The following GADD45GIP1 variants were observed in gnomAD, a reference collection of about 807,000 sequenced individuals.
GADD45GIP1 encodes GADD45G interacting protein 1, also known as large ribosomal subunit protein mL64.
Under a neutral mutation model 22.1 loss-of-function variants are expected in GADD45GIP1, and 17 were observed. The ratio of observed to expected loss-of-function variants is 0.77; its 90% CI spans 0.53 to 1.15. The LOEUF is 1.15. Ranked by LOEUF, GADD45GIP1 falls within the 50% of genes most tolerant of loss-of-function variation. The pLI is 0.00. For missense variants in GADD45GIP1, 294 were observed against 314.0 expected (o/e 0.94, Z 0.48); for synonymous variants, 135 against 138.4 (o/e 0.98, Z 0.17).
Position 12,957,183 on chromosome 19 carries a change from G to C in GADD45GIP1, c.30C>G (p.Ser10Arg). Reference protein sequence around the residue: MAASVRQARSLLGVAATLAP... With the variant: MAASVRQARRLLGVAATLAP... ...CCAGGGTCGCCGCCACACCTAGTAG[G>C]CTGCGTGCCTGTCGCACGGACGCCG... The change falls in exon 1 of 2, where the codon AGC (serine) becomes AGG (arginine). Residue 10 changes from serine (S) to arginine (R), a missense_variant. Physicochemically the swap from Ser to Arg is moderately radical, Grantham distance 110 (BLOSUM62 -1). Coordinates refer to ENST00000316939, the MANE Select transcript of GADD45GIP1 (RefSeq NM_052850.4). 1 of 1,406,986 alleles carries C rather than the reference G, an allele frequency of 7.1e-7. No individual in the cohort carries two copies. Among genetic ancestry groups the C allele is most frequent in the Non-Finnish European group, 9.2e-7 (1 of 1,091,324 alleles). 87.2% of individuals were successfully genotyped at this position (1,406,986 alleles called of 1,614,324 possible).
intron 1 of GADD45GIP1, among the ~76,000 whole-genome samples, 197 bp downstream of exon 1, chr19:12,956,658 AAAACAAAC>A (rs369627142): frequency 4.6e-5 from 7 of 152,106 alleles, no homozygotes; most frequent in Non-Finnish European, 7.4e-5. Flanking sequence ...TTGTCTCCAA[AAAACAAAC>A]AAACAAACAA....
rs1029799962 is a variant in GADD45GIP1, at chr19:12,953,835, T to C, written c.*373A>G. 5.1e-6 allele frequency: 1 copy of C among 195,042 alleles called. No homozygotes were observed. Among genetic ancestry groups the C allele is most frequent in the African/African-American group, 2.4e-5 (1 of 42,510 alleles). 12.1% of individuals were successfully genotyped at this position (195,042 alleles called of 1,614,324 possible). ...CAGGCAGTGGACCCCAGCCCAACGT[T>C]ACAAGGACTGCTTCTCCCCGGCCCC... On this transcript the variant is annotated 3_prime_UTR_variant, in exon 2 of 2. Coordinates refer to ENST00000316939, the MANE Select transcript of GADD45GIP1 (RefSeq NM_052850.4).
chr19:12,957,087 G>T lies in GADD45GIP1; in HGVS notation c.126C>A (p.Pro42=). 1 of 1,526,966 alleles carries T rather than the reference G, an allele frequency of 6.5e-7. No individual in the cohort carries two copies. The highest frequency in any genetic ancestry group is 2.6e-5 in the East Asian group (1 of 39,110). The allele number at this position is 1,526,966 out of a possible 1,614,324, so 94.6% of individuals were successfully genotyped here. Reference sequence around the variant, plus strand: ...GCCACCGCGGGGTCAGGAGGTCCTCGGGGTCTGGCCACCGGGGTCCCGGCC... The same window carrying T: ...GCCACCGCGGGGTCAGGAGGTCCTCTGGGTCTGGCCACCGGGGTCCCGGCC... ...RRRPGPRWPD[P]EDLLTPRWQL... is the part of the protein sequence containing the mutation. The change falls in exon 1 of 2, where the codon CCC becomes CCA. Residue 42 remains proline (P), a synonymous_variant. Transcript: ENST00000316939.
In GADD45GIP1 at chr19:12,954,432, C is replaced by T; in HGVS notation, c.445G>A (p.Asp149Asn). The T allele has an allele frequency of 6.2e-7, 1 of 1,614,196 alleles. No homozygotes were observed. The highest frequency in any genetic ancestry group is 8.5e-7 in the Non-Finnish European group (1 of 1,180,022). The part of the protein sequence containing the change: ...QRENWEKAQA[D>N]KERRARLQAE... ...TGCAGTCGGGCCCTCCTCTCCTTGT[C>T]AGCCTGGGCCTTCTCCCAGTTCTCC... Residue 149 changes from aspartate to asparagine, a missense_variant, in exon 2 of 2, where the codon GAC becomes AAC. Transcript: ENST00000316939.
At chr19:12,956,119 C>T (rs765084613) in intron 1 of GADD45GIP1, among the ~76,000 whole-genome samples, 1 of 152,202 alleles carries the variant, frequency 6.6e-6, no homozygotes, top group South Asian at 2.1e-4. Flanking sequence ...AACATCACCT[C>T]CTCAGAGAGG....
At position 12,956,845 on chromosome 19, in the gene GADD45GIP1, C is replaced by CT; in HGVS notation, c.350+17dup. The CT allele has an allele frequency of 6.3e-7, 1 of 1,592,636 alleles. No individual in the cohort carries two copies. The highest frequency in any genetic ancestry group is 8.5e-7 in the Non-Finnish European group (1 of 1,176,026). ...CGGGGCACAGAGGGCAGCCCCGCGT[C>CT]TGCCTGCACGCACGCACCTCTCCCG... On this transcript the variant is annotated intron_variant, in intron 1 of 1. Transcript: ENST00000316939.
At position 12,953,119 on chromosome 19, in the gene GADD45GIP1, T is replaced by A. The variant is rs533190392; in HGVS notation, c.*1089A>T. 291 of 979,142 alleles carry A rather than the reference T, an allele frequency of 3.0e-4. 2 individuals are homozygous for A. The highest frequency in any genetic ancestry group is 7.9e-4 in the Middle Eastern group (3 of 3,806). The allele number at this position is 979,142 out of a possible 1,614,324, so 60.7% of individuals were successfully genotyped here. ...CATGAAAGTTTTATAAAAGAAAAAA[T>A]ATATATATATTCATGTTTATTTAAG... On this transcript the variant is annotated 3_prime_UTR_variant, in exon 2 of 2. Transcript: ENST00000316939.
Position 12,957,186 on chromosome 19 carries a change from G to C in GADD45GIP1, c.27C>G (p.Arg9=). 7.1e-7 allele frequency: 1 copy of C among 1,405,830 alleles called. No individual in the cohort carries two copies. Among genetic ancestry groups the C allele is most frequent in the Non-Finnish European group, 9.2e-7 (1 of 1,090,572 alleles). The allele number at this position is 1,405,830 out of a possible 1,614,324, so 87.1% of individuals were successfully genotyped here. The change falls in exon 1 of 2, where the codon CGC becomes CGG. Residue 9 remains arginine, a synonymous_variant. Transcript: ENST00000316939. ...GGGTCGCCGCCACACCTAGTAGGCTGCGTGCCTGTCGCACGGACGCCGCCA... is the reference window on the plus strand; with the variant it reads ...GGGTCGCCGCCACACCTAGTAGGCTCCGTGCCTGTCGCACGGACGCCGCCA... MAASVRQA[R]SLLGVAATLA...
At position 12,954,460 on chromosome 19, in the gene GADD45GIP1, C is replaced by T; in HGVS notation, c.417G>A (p.Gln139=). ...PQMIVNWQQQ[Q]RENWEKAQAD... is the part of the protein sequence containing the mutation. ...CCTGGGCCTTCTCCCAGTTCTCCCG[C>T]TGCTGCTGCTGCCAGTTCACAATCA... The change falls in exon 2 of 2, where the codon CAG becomes CAA. Residue 139 remains glutamine, a synonymous_variant. Transcript: ENST00000316939. 1.2e-6 allele frequency: 2 copies of T among 1,612,920 alleles called. No individual in the cohort carries two copies. Among genetic ancestry groups the T allele is most frequent in the Non-Finnish European group, 1.7e-6 (2 of 1,179,052 alleles).
intron 1 of GADD45GIP1, among the ~76,000 whole-genome samples, chr19:12,955,248 C>T (rs1189339783): frequency 2.6e-5 from 4 of 152,124 alleles, no homozygotes; most frequent in African/African-American, 4.8e-5. Context: ...CTCCAGCTCC[C>T]GTCGTGTCCC....
rs1159333238 is a variant in GADD45GIP1, at chr19:12,953,354, GA to G, written c.*853del. 3.2e-5 allele frequency: 7 copies of G among 216,800 alleles called. No homozygotes were observed. Among genetic ancestry groups the G allele is most frequent in the Non-Finnish European group, 2.7e-5 (3 of 112,138 alleles). 13.4% of individuals were successfully genotyped at this position (216,800 alleles called of 1,614,324 possible). ...TGTCCCAGCTCTCTGCAGCCAGACG[GA>G]AAGGCGGCTGCTTGCCTCTCCATCC... On this transcript the variant is annotated 3_prime_UTR_variant, in exon 2 of 2. Coordinates refer to ENST00000316939, the MANE Select transcript of GADD45GIP1 (RefSeq NM_052850.4).
At position 12,954,263 on chromosome 19, in the gene GADD45GIP1, G is replaced by A. The variant is rs1021713144; in HGVS notation, c.614C>T (p.Ala205Val). The A allele has an allele frequency of 1.2e-6, 2 of 1,613,798 alleles. No homozygotes were observed. Among genetic ancestry groups the A allele is most frequent in the African/African-American group, 2.7e-5 (2 of 74,692 alleles). Residue 205 changes from alanine (A) to valine (V), a missense_variant, in exon 2 of 2, where the codon GCA becomes GTA. Transcript: ENST00000316939. ...QKRKKEARAA[A>V]LAAAVAQDPA... ...GTCTTGAGCCACAGCTGCAGCCAATGCAGCAGCTCGCGCCTCCTTCTTCCG... is the reference window on the plus strand; with the variant it reads ...GTCTTGAGCCACAGCTGCAGCCAATACAGCAGCTCGCGCCTCCTTCTTCCG...
rs1234525948 is a variant in GADD45GIP1 at position 12,954,233 on chromosome 19, G to C, written c.644C>G (p.Ala215Gly). The C allele has an allele frequency of 6.2e-7, 1 of 1,613,908 alleles. No homozygotes were observed. Among genetic ancestry groups the C allele is most frequent in the Non-Finnish European group, 8.5e-7 (1 of 1,179,952 alleles). Residue 215 changes from alanine (A) to glycine (G), a missense_variant, in exon 2 of 2, where the codon GCA (alanine) becomes GGA (glycine). By Grantham distance (60) the Ala-to-Gly change is moderately conservative (BLOSUM62 0). Transcript: ENST00000316939. Reference protein sequence around the residue: ...ALAAAVAQDPAASGAPSS With the variant: ...ALAAAVAQDPGASGAPSS ...TCAGGAGCTGGGTGCCCCAGAGGCTGCTGGGTCTTGAGCCACAGCTGCAGC... is the reference window on the plus strand; with the variant it reads ...TCAGGAGCTGGGTGCCCCAGAGGCTCCTGGGTCTTGAGCCACAGCTGCAGC...
At chr19:12,956,784 G>T in intron 1 of GADD45GIP1, 79 bp downstream of exon 1, 1 of 1,319,534 alleles carries the variant, frequency 7.6e-7, no homozygotes, top group Non-Finnish European at 1.1e-6. Flanking sequence ...ACGTGACCCC[G>T]AAGGGGTAGG....
At chr19:12,954,615 C>T (rs920742936) in intron 1 of GADD45GIP1, 89 bp from the exon 2 acceptor site, 24 of 1,065,316 alleles carry the variant, frequency 2.3e-5, no homozygotes, top group East Asian at 1.2e-4. Flanking sequence ...CCTTTGCCCA[C>T]GAGCCTGCCT....
Position 12,954,397 on chromosome 19 carries a change from G to C in GADD45GIP1, c.480C>G (p.Ala160=), listed in dbSNP as rs1833779113. The change falls in exon 2 of 2, where the codon GCC becomes GCG. Residue 160 remains alanine, a synonymous_variant. Coordinates refer to ENST00000316939, the MANE Select transcript of GADD45GIP1 (RefSeq NM_052850.4). ...CCACCTGGTAGCCCAGGAGCTCCTG[G>C]GCCTCAGCCTGCAGTCGGGCCCTCC... is the stretch of plus-strand genomic sequence containing the variant. The part of the protein sequence containing the change: ...KERRARLQAE[A]QELLGYQVDP... 6.2e-7 allele frequency: 1 copy of C among 1,614,178 alleles called. No individual in the cohort carries two copies. The highest frequency in any genetic ancestry group is 1.1e-5 in the South Asian group (1 of 91,086).
chr19:12,956,010 C>A (rs964327131), intron 1 of GADD45GIP1, among the ~76,000 whole-genome samples: 1 of 152,184 alleles, frequency 6.6e-6, no homozygotes, highest in Non-Finnish European at 1.5e-5. Context: ...TAAGGCATAT[C>A]GTATCTCAGG....
rs1313285057 is a variant in GADD45GIP1, at chr19:12,957,135, C to T, written c.78G>A (p.Arg26=). Residue 26 remains arginine (R), a synonymous_variant, in exon 1 of 2, where the codon CGG becomes CGA. Coordinates refer to ENST00000316939, the MANE Select transcript of GADD45GIP1 (RefSeq NM_052850.4). Reference sequence around the variant, plus strand: ...GCCTGCGGCGCGGGGGCGGCCGCGCCCGGTAGCCACGGGAACCCGGGGCCA... The same window carrying T: ...GCCTGCGGCGCGGGGGCGGCCGCGCTCGGTAGCCACGGGAACCCGGGGCCA... ...ATLAPGSRGY[R]ARPPPRRRPG... 2.1e-6 allele frequency: 3 copies of T among 1,413,422 alleles called. No individual in the cohort carries two copies. The highest frequency in any genetic ancestry group is 2.7e-6 in the Non-Finnish European group (3 of 1,096,720). 87.6% of individuals were successfully genotyped at this position (1,413,422 alleles called of 1,614,324 possible).
chr19:12,956,778 G>A, intron 1 of GADD45GIP1, 85 bp downstream of exon 1: 1 of 1,168,632 alleles, frequency 8.6e-7, no homozygotes, highest in African/African-American at 1.6e-5. Context: ...GCTGCGACGT[G>A]ACCCCGAAGG....
Sources: allele counts gnomAD v4.1 joint callset (sites outside exome capture counted in the v4.1 genomes callset), GRCh38; gene constraint gnomAD v4.1.1; transcripts MANE v1.5; gene names NCBI Gene and HGNC (gene_info 2026-07-23, HGNC 2026-07-21).